Variants in FABP6 observed in about 807,000 individuals in gnomAD.
FABP6 encodes the protein gastrotropin.
FABP6 carries 13 observed loss-of-function variants against 14.9 expected under a neutral mutation model. The ratio of observed to expected loss-of-function variants is 0.87; its 90% CI spans 0.57 to 1.39. The LOEUF is 1.39. Among genes scored for constraint, FABP6 ranks in the 40% most tolerant of loss-of-function variants. The pLI, the probability that FABP6 is intolerant of heterozygous loss-of-function variation, is 0.00. For synonymous variants in FABP6, 75 were observed against 63.6 expected, an observed-to-expected ratio of 1.18 and a Z score of -0.85; for missense variants, 161 against 167.2, an observed-to-expected ratio of 0.96 and a Z score of 0.20.
intron 3 of FABP6, among the ~76,000 whole-genome samples, chr5:160,236,644 TC>T (rs1291925806): frequency 1.3e-5 from 2 of 152,172 alleles, no homozygotes; most frequent in Non-Finnish European, 2.9e-5. Flanking sequence ...GGCCCACGGG[TC>T]TTTTTATCCC....
In FABP6 at chr5:160,214,091, CTTTCTTTCTTTCTT is replaced by C. The variant is rs1262825045; in HGVS notation, c.135+274_135+287del. ...TCAAGTAGGTTTTGCCTGCCTTTCT[CTTTCTTTCTTTCTT>C]TCTTTCTTTCTTTCTTTCTTTCTTT... On this transcript the variant is annotated intron_variant, in intron 3 of 6. Coordinates refer to the FABP6 transcript ENST00000393980. 3.2e-4 allele frequency among the ~76,000 whole-genome samples: 4 copies of C among 12,450 alleles called. No homozygotes were observed. The Admixed American group carries it at 3.6e-3, about 11-fold the overall frequency. The allele number at this position is 12,450 out of a possible 152,430, so 8.2% of individuals were successfully genotyped here.
intron 2 of FABP6, among the ~76,000 whole-genome samples, chr5:160,211,133 C>T (rs1217236758): frequency 6.6e-6 from 1 of 152,082 alleles, no homozygotes; most frequent in Non-Finnish European, 1.5e-5. Context: ...TTTTTCTGTC[C>T]TGGGGAGCTG....
intron 2 of FABP6, among the ~76,000 whole-genome samples, chr5:160,204,278 T>C (rs886078106): frequency 1.3e-5 from 2 of 151,818 alleles, no homozygotes; most frequent in Admixed American, 6.6e-5. Flanking sequence ...AATCCTGCCA[T>C]TGCACTCCAG....
chr5:160,197,850 T>G (rs1759541715), intron 1 of FABP6: 7 of 152,052 alleles, frequency 4.6e-5, no homozygotes, highest in Admixed American at 3.9e-4. Context: ...CGGAAACTCC[T>G]GTCAGCTCCT....
upstream of FABP6, among the ~76,000 whole-genome samples, chr5:160,225,336 C>A (rs550157856): frequency 7.9e-5 from 12 of 151,750 alleles, no homozygotes; most frequent in Non-Finnish European, 1.6e-4. Context: ...GCCTTGTGAT[C>A]CTCCCACCTT....
chr5:160,194,427 G>A (rs921004576), intron 1 of FABP6, among the ~76,000 whole-genome samples: 29 of 152,226 alleles, frequency 1.9e-4, no homozygotes, highest in African/African-American at 6.3e-4. Flanking sequence ...GGCCCCGAGA[G>A]TGAGCGAGGG....
rs370149454 is a variant in FABP6 at position 160,234,889 on chromosome 5, G to A, written c.313G>A (p.Val105Met). 2.4e-5 allele frequency: 38 copies of A among 1,611,320 alleles called. No individual in the cohort carries two copies. Among genetic ancestry groups the A allele is most frequent in the Non-Finnish European group, 2.8e-5 (33 of 1,178,558 alleles). ...CAACTATCACCAGACCTCAGAGATCGTGGGTGACAAGCTGGTGGAGGTGAG... is the reference window on the plus strand; with the variant it reads ...CAACTATCACCAGACCTCAGAGATCATGGGTGACAAGCTGGTGGAGGTGAG... ...FPNYHQTSEIVGDKLVEVSTI... is the reference protein window; with the variant it reads ...FPNYHQTSEIMGDKLVEVSTI... Residue 105 changes from valine to methionine, a missense_variant, in exon 3 of 4, where the codon GTG becomes ATG. By Grantham distance (21) the Val-to-Met change is conservative. Coordinates refer to ENST00000402432, the MANE Select transcript of FABP6 (RefSeq NM_001445.3).
intron 3 of FABP6, among the ~76,000 whole-genome samples, chr5:160,221,350 G>A (rs536319357): frequency 5.3e-5 from 8 of 152,216 alleles, no homozygotes; most frequent in Admixed American, 4.6e-4. Context: ...AAGCCTGATT[G>A]GAGGAGGCGG....
intron 2 of FABP6, among the ~76,000 whole-genome samples, chr5:160,202,908 CT>C (rs199674913): frequency 8.1e-5 from 12 of 147,728 alleles, no homozygotes; most frequent in African/African-American, 2.2e-4. Context: ...AGAAGCTGGG[CT>C]TTTTTTTTTG....
At chr5:160,228,519 T>TA (rs1760300691), upstream of FABP6, 2 of 456,242 alleles carry the variant, frequency 4.4e-6, no homozygotes, top group Non-Finnish European at 8.8e-6. Context: ...ACGGAGGAGA[T>TA]AGAGTCCCTG....
At chr5:160,236,729 T>C (rs1271708016) in intron 3 of FABP6, among the ~76,000 whole-genome samples, 4 of 151,452 alleles carry the variant, frequency 2.6e-5, no homozygotes, top group Non-Finnish European at 4.4e-5. Context: ...CCCAGCACTT[T>C]GGGAGGCTGA....
chr5:160,192,890 T>C (rs1247178412), intron 1 of FABP6, among the ~76,000 whole-genome samples: 2 of 152,224 alleles, frequency 1.3e-5, no homozygotes, highest in Admixed American at 1.3e-4. Context: ...GGTGGGAGGA[T>C]TGCTTGAAGT....
At chr5:160,213,212 C>T (rs1759929896) in intron 2 of FABP6, among the ~76,000 whole-genome samples, 4 of 152,152 alleles carry the variant, frequency 2.6e-5, no homozygotes, top group Admixed American at 1.3e-4. Flanking sequence ...GAAAGGTGGG[C>T]CCACCTTCTA....
intron 2 of FABP6, 70 bp from the exon 3 acceptor site, chr5:160,234,750 G>A (rs948767702): frequency 2.0e-4 from 260 of 1,285,408 alleles, no homozygotes; most frequent in Admixed American, 2.8e-4. Context: ...CTTACTGCCC[G>A]CGCCACCAGC....
At chr5:160,219,257 C>T (rs1431802813) in intron 3 of FABP6, among the ~76,000 whole-genome samples, 1 of 152,168 alleles carries the variant, frequency 6.6e-6, no homozygotes, top group Non-Finnish European at 1.5e-5. Context: ...CCTGTATTCC[C>T]ACCCCCTTCT....
At chr5:160,221,927 A>T (rs1760136070) in intron 3 of FABP6, among the ~76,000 whole-genome samples, 1 of 152,230 alleles carries the variant, frequency 6.6e-6, no homozygotes, top group Admixed American at 6.5e-5. Flanking sequence ...GCTCTGGAAA[A>T]TGAGATGTAG....
At chr5:160,223,073 T>C (rs10070083) in intron 3 of FABP6, among the ~76,000 whole-genome samples, 31,689 of 152,018 alleles carry the variant, frequency 0.21, 3,409 homozygotes, top group South Asian at 0.25. Context: ...AACTCTAGGC[T>C]CAGGTGACCT....
chr5:160,224,192 C>A (rs79720809), intron 3 of FABP6, among the ~76,000 whole-genome samples: 5 of 151,836 alleles, frequency 3.3e-5, no homozygotes, highest in Admixed American at 2.6e-4. Context: ...ACTGAGATAG[C>A]GCCACTGCAC....
rs1298540860 is a variant in FABP6 at position 160,234,866 on chromosome 5, A to G, written c.290A>G (p.Asn97Ser). ...EGGKLVVNFP[N>S]YHQTSEIVGD... ...GGGAAGCTGGTGGTGAATTTCCCCA[A>G]CTATCACCAGACCTCAGAGATCGTG... Residue 97 changes from asparagine to serine, a missense_variant, in exon 3 of 4, where the codon AAC (asparagine) becomes AGC (serine). Asn to Ser is a conservative substitution (Grantham distance 46). Transcript: ENST00000402432. 6.8e-6 allele frequency: 11 copies of G among 1,611,388 alleles called. No individual in the cohort carries two copies. Among genetic ancestry groups the G allele is most frequent in the Admixed American group, 1.7e-5 (1 of 59,736 alleles).
Sources: gnomAD v4.1 joint callset for allele counts (sites outside exome capture counted in the v4.1 genomes callset) on GRCh38, gnomAD v4.1.1 for gene constraint, MANE v1.5 for transcripts, NCBI Gene and HGNC (gene_info 2026-07-23, HGNC 2026-07-21) for gene names.